The following BCAN variants were observed in gnomAD, a reference collection of about 807,000 sequenced individuals.
BCAN encodes the protein brevican core protein.
Under a neutral mutation model 92.4 loss-of-function variants are expected in BCAN, and 51 were observed. The ratio of observed to expected loss-of-function variants is 0.55; its 90% CI spans 0.44 to 0.70. BCAN has a LOEUF of 0.70. Ranked by LOEUF, BCAN falls within the 30% of genes least tolerant of loss-of-function variation. The pLI is 0.00. For synonymous variants in BCAN, 501 were observed against 505.2 expected (o/e 0.99, Z 0.11); for missense variants, 1,140 against 1,212.1 (o/e 0.94, Z 0.88).
rs1425967139 is a variant in BCAN, at chr1:156,648,662, C to T, written c.864C>T (p.Gly288=). Residue 288 remains glycine (G), a synonymous_variant, in exon 6 of 14, where the codon GGC becomes GGT. Transcript: ENST00000329117. ...QERGAEIATT[G]QLYAAWDGGL... ...GGGGTGCAGAGATTGCCACCACGGG[C>T]CAACTGTATGCAGCCTGGGATGGTG... The T allele has an allele frequency of 6.2e-7, 1 of 1,613,480 alleles. No individual in the cohort carries two copies. The highest frequency in any genetic ancestry group is 2.2e-5 in the East Asian group (1 of 44,848).
At chr1:156,644,139 C>G (rs1036423057) in intron 1 of BCAN, 5 of 152,238 alleles carry the variant, frequency 3.3e-5, no homozygotes, top group Admixed American at 3.3e-4. Flanking sequence ...TTTTTGGGGT[C>G]AAGGGTAGGT....
intron 6 of BCAN, 67 bp downstream of exon 6, chr1:156,648,928 T>C: frequency 6.8e-7 from 1 of 1,477,692 alleles, no homozygotes; most frequent in Non-Finnish European, 9.1e-7. Context: ...CTAAAAGTCC[T>C]ACCCCAGTCT....
intron 6 of BCAN, among the ~76,000 whole-genome samples, chr1:156,651,032 T>A (rs1464926662): frequency 6.6e-6 from 1 of 152,216 alleles, no homozygotes. Context: ...TCATCCATCC[T>A]GCTGGCTCCA....
At chr1:156,653,442 A>C (rs1679242682) in intron 8 of BCAN, 1 of 991,004 alleles carries the variant, frequency 1.0e-6, no homozygotes. Flanking sequence ...AGCCTTGGAA[A>C]TAAATCTCTA....
At chr1:156,648,463 C>A in intron 5 of BCAN, 105 bp from the exon 6 acceptor site, 2 of 1,237,196 alleles carry the variant, frequency 1.6e-6, no homozygotes, top group Non-Finnish European at 2.3e-6. Context: ...TGACTCCCTG[C>A]CACAGATGAG....
intron 1 of BCAN, 68 bp from the exon 2 acceptor site, chr1:156,645,979 G>T: frequency 1.5e-6 from 2 of 1,374,400 alleles, no homozygotes; most frequent in African/African-American, 2.9e-5. Context: ...CATGGGTGTG[G>T]TAGGGAGCAG....
chr1:156,647,364 A>G lies in BCAN; in HGVS notation c.467-144A>G, dbSNP rs1679019452. On this transcript the variant is annotated intron_variant, in intron 3 of 13. Transcript: ENST00000329117. This position sits in a 1 kb window ranked among gnomAD's most constrained non-coding sequence, Gnocchi z 4.8. ...TCTTCAGGTGGAGGACATTCTACCCACAATCTAACTTAAGTCCCTCATGCT... is the reference window on the plus strand; with the variant it reads ...TCTTCAGGTGGAGGACATTCTACCCGCAATCTAACTTAAGTCCCTCATGCT... 8 of 1,111,756 alleles carry G rather than the reference A, an allele frequency of 7.2e-6. No homozygotes were observed. Among genetic ancestry groups the G allele is most frequent in the Non-Finnish European group, 8.8e-6 (7 of 792,886 alleles). 68.9% of individuals were successfully genotyped at this position (1,111,756 alleles called of 1,614,324 possible).
At position 156,658,459 on chromosome 1, in the gene BCAN, GGCCC is replaced by G. The variant is rs1679414508; in HGVS notation, c.2438-83_2438-80del. On this transcript the variant is annotated intron_variant, in intron 12 of 13. Transcript: ENST00000329117. The surrounding 1 kb of genome is among the most constrained non-coding windows in gnomAD (Gnocchi z 4.4). ...CCCTGATCTTTTTTTGTCATGTTGTGGCCCATTTTTCTCTTCCCCATGGAGATTC... is the reference window on the plus strand; with the variant it reads ...CCCTGATCTTTTTTTGTCATGTTGTGATTTTTCTCTTCCCCATGGAGATTC... The G allele has an allele frequency of 7.1e-5, 108 of 1,519,968 alleles. No individual in the cohort carries two copies. In the South Asian group the frequency reaches 1.3e-3, roughly 18 times the overall value. The allele number at this position is 1,519,968 out of a possible 1,614,324, so 94.2% of individuals were successfully genotyped here.
chr1:156,653,681 C>T (rs996955319), intron 8 of BCAN, among the ~76,000 whole-genome samples: 1 of 152,148 alleles, frequency 6.6e-6, no homozygotes, highest in South Asian at 2.1e-4. Flanking sequence ...CCCAGCCTCT[C>T]CTTCTCAGGC....
intron 6 of BCAN, among the ~76,000 whole-genome samples, chr1:156,649,664 A>G (rs1679097062): frequency 6.6e-6 from 1 of 152,170 alleles, no homozygotes; most frequent in African/African-American, 2.4e-5. Context: ...TGGACTCCCG[A>G]AGTGCTGGGA....
chr1:156,653,277 T>G, intron 8 of BCAN: 1 of 1,147,536 alleles, frequency 8.7e-7, no homozygotes, highest in Non-Finnish European at 1.1e-6. Flanking sequence ...CATCCGCCTG[T>G]GTGCCGTCCC....
intron 8 of BCAN, chr1:156,653,578 CCT>C (rs905135527): frequency 2.2e-5 from 21 of 969,050 alleles, no homozygotes; most frequent in Middle Eastern, 5.2e-4. Flanking sequence ...CATGTCTCTC[CCT>C]GTCTCTGTGT....
chr1:156,657,693 A>C lies in BCAN; in HGVS notation c.2228A>C (p.Gln743Pro). 2 of 1,611,668 alleles carry C rather than the reference A, an allele frequency of 1.2e-6. No individual in the cohort carries two copies. The highest frequency in any genetic ancestry group is 1.7e-6 in the Non-Finnish European group (2 of 1,179,120). ...DFINNRYREY[Q>P]WIGLNDRTIE... ...TCCCTAGACCGGTACCGGGAGTACCAGTGGATCGGACTCAACGACAGGACC... is the reference window on the plus strand; with the variant it reads ...TCCCTAGACCGGTACCGGGAGTACCCGTGGATCGGACTCAACGACAGGACC... The change falls in exon 11 of 14, where the codon CAG (glutamine) becomes CCG (proline). Residue 743 changes from glutamine to proline, a missense_variant. This residue lies in a region of BCAN where 825 missense variants were observed against 871.8 expected (regional missense o/e 0.95). Coordinates refer to ENST00000329117, the MANE Select transcript of BCAN (RefSeq NM_021948.5).
intron 9 of BCAN, 139 bp from the exon 10 acceptor site, chr1:156,656,799 T>C: frequency 3.3e-6 from 4 of 1,194,460 alleles, no homozygotes; most frequent in South Asian, 1.6e-5. Context: ...CATTCTCTAC[T>C]AGCTCTTTTG....
chr1:156,655,331 C>A (rs945804724), intron 8 of BCAN, among the ~76,000 whole-genome samples: 1 of 152,184 alleles, frequency 6.6e-6, no homozygotes, highest in Non-Finnish European at 1.5e-5. Context: ...ATCCAGGCAA[C>A]AGATTGCAGA....
intron 5 of BCAN, 113 bp downstream of exon 5, chr1:156,648,223 G>A: frequency 7.1e-7 from 1 of 1,401,704 alleles, no homozygotes; most frequent in Non-Finnish European, 9.8e-7. Context: ...AAGGGGGCAA[G>A]CAGGAGTAAG....
Position 156,659,209 on chromosome 1 carries a change from G to A in BCAN, c.*75G>A, listed in dbSNP as rs1461255484. 9 of 1,131,422 alleles carry A rather than the reference G, an allele frequency of 8.0e-6. No homozygotes were observed. Among genetic ancestry groups the A allele is most frequent in the Admixed American group, 5.6e-5 (2 of 35,910 alleles). 70.1% of individuals were successfully genotyped at this position (1,131,422 alleles called of 1,614,324 possible). A position where few individuals can be genotyped will look rare whatever the true frequency, so the allele number is the denominator to read the frequency against. ...ATTTTCCCTCACACCCTGCGCTCCCGCCACCACAGGAAGTGACAACATGAC... is the reference window on the plus strand; with the variant it reads ...ATTTTCCCTCACACCCTGCGCTCCCACCACCACAGGAAGTGACAACATGAC... On this transcript the variant is annotated 3_prime_UTR_variant, in exon 14 of 14. Coordinates refer to ENST00000329117, the MANE Select transcript of BCAN (RefSeq NM_021948.5).
At chr1:156,656,205 G>T (rs1679317480) in intron 8 of BCAN, 77 bp from the exon 9 acceptor site, 2 of 1,043,118 alleles carry the variant, frequency 1.9e-6, no homozygotes, top group East Asian at 5.8e-5. Context: ...GGGACCCTCT[G>T]CACCCTCTCC....
intron 7 of BCAN, 140 bp downstream of exon 7, chr1:156,651,829 CTTT>C: frequency 1.3e-6 from 1 of 756,268 alleles, no homozygotes; most frequent in Non-Finnish European, 2.1e-6. Flanking sequence ...TGCAGGGCAC[CTTT>C]CCTGTCCCTC....
Sources: allele counts gnomAD v4.1 joint callset (sites outside exome capture counted in the v4.1 genomes callset), GRCh38; gene constraint gnomAD v4.1.1; regional missense constraint gnomAD v4.1.1; non-coding constraint Gnocchi (gnomAD v3.1); transcripts MANE v1.5; gene names NCBI Gene and HGNC (gene_info 2026-07-23, HGNC 2026-07-21).